MZT2B: variants seen among roughly 807,000 people sequenced by gnomAD.
MZT2B encodes mitotic-spindle organizing protein 2B.
MZT2B carries 11 observed loss-of-function variants against 12.1 expected under a neutral mutation model. The observed-to-expected ratio is 0.91, with a 90% confidence interval of 0.57 to 1.50. The LOEUF is 1.50. Ranked by LOEUF, MZT2B falls within the 40% of genes most tolerant of loss-of-function variation. MZT2B has a pLI of 0.00. For synonymous variants in MZT2B, 85 were observed against 109.5 expected (o/e 0.78, Z 1.40); for missense variants, 209 against 227.7 (o/e 0.92, Z 0.53).
downstream of MZT2B, chr2:130,193,848 T>C (rs1164699439): frequency 6.2e-7 from 1 of 1,614,060 alleles, no homozygotes; most frequent in East Asian, 2.2e-5. Flanking sequence ...ATGGTGGCGA[T>C]GGCCGCATTG....
chr2:130,183,376 C>T (rs1489735588), intron 2 of MZT2B, among the ~76,000 whole-genome samples: 1 of 152,164 alleles, frequency 6.6e-6, no homozygotes, highest in Non-Finnish European at 1.5e-5. Flanking sequence ...GGAAGAGAGT[C>T]AGACGCGGAA....
downstream of MZT2B, chr2:130,191,966 G>A (rs748904286): frequency 7.4e-6 from 12 of 1,613,934 alleles, no homozygotes; most frequent in African/African-American, 9.3e-5. Flanking sequence ...CCACGTACCA[G>A]TGCACAAAGG....
rs772703528 is a variant in MZT2B, at chr2:130,182,604, G to A, written c.171-23G>A. On this transcript the variant is annotated intron_variant, in intron 1 of 2. Transcript: ENST00000281871. Reference sequence around the variant, plus strand: ...CCGCGCCGGGCGGAGAGGGCTCACCGGCCCCGCGTCTGTCCCCGCCAGGAT... The same window carrying A: ...CCGCGCCGGGCGGAGAGGGCTCACCAGCCCCGCGTCTGTCCCCGCCAGGAT... The A allele has an allele frequency of 7.1e-6, 11 of 1,553,362 alleles. No homozygotes were observed. In the South Asian group the frequency reaches 1.2e-4, roughly 17 times the overall value.
chr2:130,194,444 T>C, downstream of MZT2B: 1 of 1,583,508 alleles, frequency 6.3e-7, no homozygotes, highest in East Asian at 2.2e-5. Context: ...GAGGAAGCCC[T>C]GCAGTCCTGT....
downstream of MZT2B, among the ~76,000 whole-genome samples, chr2:130,193,520 A>G (rs6753205): frequency 0.043 from 6,508 of 151,206 alleles, 462 homozygotes; most frequent in African/African-American, 0.15. Context: ...GAGGCCAGAG[A>G]ATTGCTTGAA....
At chr2:130,199,265 C>T in the MZT2B span, among the ~76,000 whole-genome samples, 10 of 121,118 alleles carry the variant, frequency 8.3e-5, 1 homozygote, top group Non-Finnish European at 1.3e-4. Flanking sequence ...AGAGGTTGGG[C>T]CAGGCACACC....
downstream of MZT2B, among the ~76,000 whole-genome samples, chr2:130,192,583 TA>T (rs1690293034): frequency 6.6e-6 from 1 of 152,150 alleles, no homozygotes; most frequent in Admixed American, 6.5e-5. Context: ...TATGCAAAGG[TA>T]GCAGATCATG....
chr2:130,183,651 G>A, intron 2 of MZT2B: 1 of 1,437,804 alleles, frequency 7.0e-7, no homozygotes, highest in African/African-American at 1.4e-5. Context: ...GTGGAGAGCA[G>A]GCTGCCTTCA....
chr2:130,204,691 C>CAAA, the MZT2B span, among the ~76,000 whole-genome samples: 340 of 96,138 alleles, frequency 3.5e-3, 2 homozygotes, highest in African/African-American at 0.012. Flanking sequence ...AACTCTGTCT[C>CAAA]AAAAAAAAAA....
At chr2:130,184,367 C>CA (rs1267596380) in intron 2 of MZT2B, 3 of 985,336 alleles carry the variant, frequency 3.0e-6, no homozygotes, top group Non-Finnish European at 3.6e-6. Context: ...GAGGCTGAAA[C>CA]AGAGACTCCC....
chr2:130,187,282 G>A (rs577436240), intron 2 of MZT2B, among the ~76,000 whole-genome samples: 105 of 152,132 alleles, frequency 6.9e-4, no homozygotes, highest in African/African-American at 2.5e-3. Flanking sequence ...CTTCAACCTC[G>A]TGGGCTCAGA....
At chr2:130,190,885 C>T (rs532643165), downstream of MZT2B, among the ~76,000 whole-genome samples, 76 of 152,116 alleles carry the variant, frequency 5.0e-4, no homozygotes, top group African/African-American at 1.7e-3. Context: ...TGAGAAAAGG[C>T]ATCTGGATTG....
At chr2:130,187,602 C>G (rs1278991580) in intron 2 of MZT2B, among the ~76,000 whole-genome samples, 3 of 152,200 alleles carry the variant, frequency 2.0e-5, no homozygotes, top group African/African-American at 7.2e-5. Context: ...CCCCAACCTG[C>G]AGCCACACTT....
downstream of MZT2B, chr2:130,195,144 C>T (rs150263746): frequency 4.0e-5 from 65 of 1,613,592 alleles, no homozygotes; most frequent in African/African-American, 5.5e-4. Context: ...TGGCCCCTGG[C>T]GTAATTACTG....
chr2:130,202,535 TC>T, the MZT2B span: 1 of 1,127,146 alleles, frequency 8.9e-7, no homozygotes, highest in Non-Finnish European at 1.2e-6. Context: ...TCCTTGGGAC[TC>T]CCACTCATGG....
chr2:130,182,521 G>A (rs958239867), intron 1 of MZT2B, 69 bp downstream of exon 1: 2 of 1,544,680 alleles, frequency 1.3e-6, no homozygotes, highest in Non-Finnish European at 1.7e-6. Context: ...GGGTACGCCC[G>A]GCCCGCTGGT....
downstream of MZT2B, among the ~76,000 whole-genome samples, chr2:130,193,237 G>A (rs1457036046): frequency 6.6e-5 from 10 of 151,454 alleles, no homozygotes; most frequent in Admixed American, 4.6e-4. Flanking sequence ...GAGACAAAGC[G>A]AGACCCTGTC....
intron 2 of MZT2B, 42 bp from the exon 3 acceptor site, chr2:130,190,427 G>A: frequency 6.2e-7 from 1 of 1,604,470 alleles, no homozygotes; most frequent in Non-Finnish European, 8.5e-7. Context: ...TGCAGTTACG[G>A]GGCACGCCCA....
chr2:130,202,255 C>A, the MZT2B span: 21 of 1,222,742 alleles, frequency 1.7e-5, no homozygotes, highest in South Asian at 2.8e-4. Flanking sequence ...AGTCAGCTAA[C>A]AACGTTTACA....
Sources: allele counts gnomAD v4.1 joint callset (sites outside exome capture counted in the v4.1 genomes callset), GRCh38; gene constraint gnomAD v4.1.1; transcripts MANE v1.5; gene names NCBI Gene and HGNC (gene_info 2026-07-23, HGNC 2026-07-21).